Variants in KCNMB2 observed in about 807,000 individuals in gnomAD.
The protein encoded by KCNMB2 is potassium calcium-activated channel subfamily M regulatory beta subunit 2.
In KCNMB2, 9 loss-of-function variants were observed where a neutral mutation model predicts 24.5. That is an observed-to-expected ratio of 0.37 (90% CI 0.22 to 0.64). The LOEUF (loss-of-function observed/expected upper bound fraction) is 0.64, where lower values mean the gene tolerates loss of function less well. KCNMB2 is among the 30% of genes least tolerant of loss of function. KCNMB2 has a pLI of 0.63. For missense variants in KCNMB2, 226 were observed against 284.3 expected (o/e 0.79, Z 1.47); for synonymous variants, 109 against 104.4 (o/e 1.04, Z -0.27).
At chr3:178,686,474 T>G (rs1721476396) in intron 1 of KCNMB2, among the ~76,000 whole-genome samples, 1 of 152,200 alleles carries the variant, frequency 6.6e-6, no homozygotes, top group African/African-American at 2.4e-5. Flanking sequence ...CGTTCTTTTC[T>G]TCTGAGTATG....
chr3:178,539,801 CA>C (rs1348717755), intron 1 of KCNMB2, among the ~76,000 whole-genome samples: 5 of 152,148 alleles, frequency 3.3e-5, no homozygotes, highest in Non-Finnish European at 7.4e-5. Context: ...ATTTTATAAA[CA>C]GAGACTTTTT....
chr3:178,684,602 C>T (rs571455264), intron 1 of KCNMB2, among the ~76,000 whole-genome samples: 1 of 152,150 alleles, frequency 6.6e-6, no homozygotes, highest in East Asian at 1.9e-4. Context: ...CCGAGGCGGG[C>T]AGATCACCTG....
intron 1 of KCNMB2, among the ~76,000 whole-genome samples, chr3:178,663,372 G>C (rs1042528064): frequency 6.6e-6 from 1 of 152,084 alleles, no homozygotes; most frequent in Admixed American, 6.6e-5. Flanking sequence ...TTGAACTGAA[G>C]AACTGTAAAT....
At chr3:178,669,603 T>A (rs1720832865) in intron 1 of KCNMB2, among the ~76,000 whole-genome samples, 1 of 152,014 alleles carries the variant, frequency 6.6e-6, no homozygotes. Context: ...ATTCTAAAGA[T>A]AATTCAAAGG....
intron 1 of KCNMB2, among the ~76,000 whole-genome samples, chr3:178,734,018 G>C (rs1723239012): frequency 6.6e-6 from 1 of 152,098 alleles, no homozygotes; most frequent in South Asian, 2.1e-4. Flanking sequence ...GGATATGAGA[G>C]AAAAGAAGGA....
At chr3:178,673,149 A>C (rs1720962644) in intron 1 of KCNMB2, among the ~76,000 whole-genome samples, 1 of 152,028 alleles carries the variant, frequency 6.6e-6, no homozygotes, top group African/African-American at 2.4e-5. Context: ...CCCCTCTTAT[A>C]CTTCATTACA....
At chr3:178,734,763 GA>G (rs202028840) in intron 1 of KCNMB2, among the ~76,000 whole-genome samples, 2,550 of 152,196 alleles carry the variant, frequency 0.017, 26 homozygotes, top group Non-Finnish European at 0.026. Flanking sequence ...TCAAAGAACC[GA>G]GTTAACTGGT....
intron 1 of KCNMB2, among the ~76,000 whole-genome samples, chr3:178,614,275 A>ATATATATATATATATATATG (rs1560131665): frequency 7.5e-5 from 5 of 66,812 alleles, no homozygotes; most frequent in African/African-American, 2.7e-4. Flanking sequence ...ATATATATAT[A>ATATATATATATATATATATG]TATATATATA....
chr3:178,833,894 A>G (rs573803218), intron 4 of KCNMB2, among the ~76,000 whole-genome samples: 21 of 152,264 alleles, frequency 1.4e-4, no homozygotes, highest in African/African-American at 4.6e-4. Flanking sequence ...GGGAGCTACA[A>G]GAGGGCTCAA....
rs1723038999 is a variant in KCNMB2, at chr3:178,728,525, T to G, written c.-67-78818T>G. Among the ~76,000 whole-genome samples, 3 of 152,130 alleles carry G rather than the reference T, an allele frequency of 2.0e-5. No homozygotes were observed. In the South Asian group the frequency reaches 6.2e-4, roughly 32 times the overall value. ...GAGAAGTTATGAATCACGTGAGCGCTGTCTGTCCAAGAAGCAAAAGAGATG... is the reference window on the plus strand; with the variant it reads ...GAGAAGTTATGAATCACGTGAGCGCGGTCTGTCCAAGAAGCAAAAGAGATG... On this transcript the variant is annotated intron_variant, in intron 1 of 4. Coordinates refer to ENST00000452583, the MANE Select transcript of KCNMB2 (RefSeq NM_181361.3).
intron 1 of KCNMB2, among the ~76,000 whole-genome samples, chr3:178,723,211 G>C (rs559463864): frequency 6.6e-6 from 1 of 151,976 alleles, no homozygotes; most frequent in East Asian, 1.9e-4. Context: ...TAATTCCTTT[G>C]CCTTTCCGTA....
At chr3:178,590,410 T>C (rs1373809350) in intron 1 of KCNMB2, among the ~76,000 whole-genome samples, 1 of 152,216 alleles carries the variant, frequency 6.6e-6, no homozygotes, top group African/African-American at 2.4e-5. Context: ...CATTTTCAAA[T>C]TTCAAAAATT....
At chr3:178,778,460 A>ACACGCACGCACGCGCGCGCG (rs879860042) in intron 1 of KCNMB2, among the ~76,000 whole-genome samples, 1 of 48,010 alleles carries the variant, frequency 2.1e-5, no homozygotes, top group Non-Finnish European at 4.0e-5. Context: ...TTTAAGACAC[A>ACACGCACGCACGCGCGCGCG]CACACACACA....
intron 1 of KCNMB2, among the ~76,000 whole-genome samples, chr3:178,539,145 A>T (rs1161614409): frequency 1.3e-5 from 2 of 152,088 alleles, no homozygotes; most frequent in Non-Finnish European, 2.9e-5. Flanking sequence ...ATCCTACTTT[A>T]TTGGAAGATA....
intron 1 of KCNMB2, among the ~76,000 whole-genome samples, chr3:178,670,337 C>A (rs751837205): frequency 2.0e-5 from 3 of 151,812 alleles, no homozygotes; most frequent in Non-Finnish European, 4.4e-5. Flanking sequence ...ACACCAGTCA[C>A]GACAATCAAA....
chr3:178,766,714 T>C lies in KCNMB2; in HGVS notation c.-67-40629T>C, dbSNP rs571334436. On this transcript the variant is annotated intron_variant, in intron 1 of 4. Transcript: ENST00000452583. ...ATTAAATATGCATAGAATTATTCAC[T>C]TGATTTGATATGTGGACGTTACTTT... 2.1e-4 allele frequency among the ~76,000 whole-genome samples: 32 copies of C among 152,352 alleles called. No individual in the cohort carries two copies. The East Asian group carries it at 4.0e-3, about 19-fold the overall frequency.
intron 2 of KCNMB2, among the ~76,000 whole-genome samples, chr3:178,816,934 G>T (rs1328106311): frequency 6.6e-6 from 1 of 151,886 alleles, no homozygotes; most frequent in African/African-American, 2.4e-5. Context: ...CTATATCTTG[G>T]ATTAAAGCTT....
chr3:178,730,965 G>C (rs1412912131), intron 1 of KCNMB2, among the ~76,000 whole-genome samples: 1 of 152,076 alleles, frequency 6.6e-6, no homozygotes, highest in African/African-American at 2.4e-5. Context: ...TTAACTATGT[G>C]CCAGACACTA....
intron 1 of KCNMB2, among the ~76,000 whole-genome samples, chr3:178,652,142 G>A (rs1355598672): frequency 1.3e-5 from 2 of 152,168 alleles, no homozygotes; most frequent in Admixed American, 1.3e-4. Context: ...GTAACCTGCA[G>A]AATGGGAGAA....
Sources: allele counts gnomAD v4.1 joint callset (sites outside exome capture counted in the v4.1 genomes callset), GRCh38; gene constraint gnomAD v4.1.1; transcripts MANE v1.5; gene names NCBI Gene and HGNC (gene_info 2026-07-23, HGNC 2026-07-21).